Variants in KCND3 observed in about 807,000 individuals in gnomAD.
The protein encoded by KCND3 is potassium voltage-gated channel subfamily D member 3, also known as A-type voltage-gated potassium channel KCND3.
In KCND3, 9 loss-of-function variants were observed where a neutral mutation model predicts 51.1. The observed-to-expected ratio is 0.18, with a 90% CI of 0.11 to 0.31. The LOEUF is 0.31. KCND3 is among the 10% of genes least tolerant of loss of function. KCND3 has a pLI of 1.00. For missense variants in KCND3, 526 were observed against 903.8 expected (o/e 0.58, Z 5.36); for synonymous variants, 349 against 368.0 (o/e 0.95, Z 0.59).
At chr1:111,841,211 G>T (rs1333409100) in intron 2 of KCND3, among the ~76,000 whole-genome samples, 1 of 152,158 alleles carries the variant, frequency 6.6e-6, no homozygotes, top group South Asian at 2.1e-4. Context: ...GCAGTGTGTG[G>T]CATACCCTTC....
chr1:111,775,818 G>GGCCCCCC lies in KCND3; in HGVS notation c.*258_*259insGGGGGGC. 6.0e-5 allele frequency: 6 copies of GGCCCCCC among 99,730 alleles called. No individual in the cohort carries two copies. Among genetic ancestry groups the GGCCCCCC allele is most frequent in the Non-Finnish European group, 7.8e-5 (4 of 51,434 alleles). 6.2% of individuals were successfully genotyped at this position (99,730 alleles called of 1,614,324 possible). ...AGCCTATATCCCCCGGCCTATCCCC[G>GGCCCCCC]ACCCCCCCACCCTCCCTCCCTTCCT... On this transcript the variant is annotated 3_prime_UTR_variant, in exon 8 of 8. Transcript: ENST00000302127.
chr1:111,793,264 C>T (rs950459358), intron 2 of KCND3, among the ~76,000 whole-genome samples: 1 of 151,656 alleles, frequency 6.6e-6, no homozygotes, highest in East Asian at 1.9e-4. Flanking sequence ...CAACCTCTGC[C>T]TCCTGGGTTC....
chr1:111,943,390 C>A (rs1375804658), intron 2 of KCND3, among the ~76,000 whole-genome samples: 2 of 152,194 alleles, frequency 1.3e-5, no homozygotes, highest in African/African-American at 2.4e-5. Flanking sequence ...CTCTCCCCTG[C>A]CCACTGGACT....
chr1:111,885,242 T>A (rs983503947), intron 2 of KCND3, among the ~76,000 whole-genome samples: 2 of 152,234 alleles, frequency 1.3e-5, no homozygotes, highest in Non-Finnish European at 2.9e-5. Context: ...TGTACCCGCA[T>A]GCTGATTTAT....
chr1:111,821,780 CA>C (rs1666360137), intron 2 of KCND3, among the ~76,000 whole-genome samples: 1 of 152,186 alleles, frequency 6.6e-6, no homozygotes, highest in Admixed American at 6.5e-5. Flanking sequence ...CTGCAGGGGC[CA>C]GGGGGACAGT....
intron 2 of KCND3, among the ~76,000 whole-genome samples, chr1:111,816,025 G>A (rs754154101): frequency 2.0e-5 from 3 of 152,202 alleles, no homozygotes; most frequent in East Asian, 3.9e-4. Context: ...TGCTGTGCCC[G>A]GCAGCAAGAG....
chr1:111,923,269 C>G (rs749485793), intron 2 of KCND3, among the ~76,000 whole-genome samples: 3 of 152,202 alleles, frequency 2.0e-5, no homozygotes, highest in Non-Finnish European at 2.9e-5. Context: ...TCCTAGGTAC[C>G]TGATGGCCTA....
chr1:111,928,994 G>A (rs1001790907), intron 2 of KCND3, among the ~76,000 whole-genome samples: 4 of 152,202 alleles, frequency 2.6e-5, no homozygotes, highest in African/African-American at 9.7e-5. Context: ...GAATCCAAAC[G>A]GCTCTGGCAG....
In KCND3 at chr1:111,773,553, T is replaced by G. The variant is rs1664002222; in HGVS notation, c.*2524A>C. 1 of 151,686 alleles carries G rather than the reference T, an allele frequency of 6.6e-6. No individual in the cohort carries two copies. 9.4% of individuals were successfully genotyped at this position (151,686 alleles called of 1,614,324 possible). Reference sequence around the variant, plus strand: ...CCTCCCCCTCAGCCTTCCAAGTAGCTGGGATTACAGGGGTCCACCACCATG... The same window carrying G: ...CCTCCCCCTCAGCCTTCCAAGTAGCGGGGATTACAGGGGTCCACCACCATG... On this transcript the variant is annotated 3_prime_UTR_variant, in exon 8 of 8. Coordinates refer to ENST00000302127, the MANE Select transcript of KCND3 (RefSeq NM_001378969.1).
At chr1:111,804,269 G>C (rs1051193707) in intron 2 of KCND3, among the ~76,000 whole-genome samples, 6 of 152,224 alleles carry the variant, frequency 3.9e-5, no homozygotes, top group Admixed American at 2.0e-4. Flanking sequence ...TGCTCTCCTT[G>C]TTGGTCAATA....
At position 111,777,119 on chromosome 1, in the gene KCND3, G is replaced by A; in HGVS notation, c.1673C>T (p.Pro558Leu). Residue 558 changes from proline to leucine, a missense_variant, in exon 7 of 8, where the codon CCC becomes CTC. Pro to Leu is a moderately conservative substitution (Grantham distance 98, BLOSUM62 -3). Transcript: ENST00000302127. ...SRRSKKTTHL[P>L]NSNLPATRLR... ...GCGAGTAGCTGGCAGGTTAGAATTG[G>A]GCAGGTGTGTGGTCTTCTTACTACG... 1 of 1,614,148 alleles carries A rather than the reference G, an allele frequency of 6.2e-7. No homozygotes were observed.
chr1:111,796,962 A>G (rs774831924), intron 2 of KCND3, among the ~76,000 whole-genome samples: 7 of 152,066 alleles, frequency 4.6e-5, no homozygotes, highest in Non-Finnish European at 8.8e-5. Flanking sequence ...TCACTTTACT[A>G]CTGTTGGCCT....
chr1:111,886,732 C>A (rs1446408319), intron 2 of KCND3, among the ~76,000 whole-genome samples: 1 of 152,250 alleles, frequency 6.6e-6, no homozygotes, highest in African/African-American at 2.4e-5. Flanking sequence ...AAGGCACTTA[C>A]TTCATTGTCA....
At chr1:111,959,759 T>A (rs1412731713) in intron 2 of KCND3, among the ~76,000 whole-genome samples, 4 of 152,154 alleles carry the variant, frequency 2.6e-5, no homozygotes, top group Non-Finnish European at 2.9e-5. Context: ...AGCCTCTTCC[T>A]CAGAGGCTGG....
intron 2 of KCND3, among the ~76,000 whole-genome samples, chr1:111,957,447 G>A (rs1435245994): frequency 6.6e-6 from 1 of 152,148 alleles, no homozygotes; most frequent in Admixed American, 6.5e-5. Context: ...GATGCTTCTG[G>A]GAATGCAGCT....
chr1:111,795,478 C>T (rs1049763838), intron 2 of KCND3, among the ~76,000 whole-genome samples: 1 of 152,148 alleles, frequency 6.6e-6, no homozygotes, highest in Non-Finnish European at 1.5e-5. Flanking sequence ...GTACTATTAG[C>T]CCCATTTTTG....
chr1:111,967,527 C>T (rs953694918), intron 2 of KCND3, among the ~76,000 whole-genome samples: 1 of 152,214 alleles, frequency 6.6e-6, no homozygotes, highest in Non-Finnish European at 1.5e-5. Context: ...GTACCCTGTT[C>T]ACGCACCCTG....
At chr1:111,810,957 G>T (rs1258965422) in intron 2 of KCND3, among the ~76,000 whole-genome samples, 1 of 152,154 alleles carries the variant, frequency 6.6e-6, no homozygotes, top group Non-Finnish European at 1.5e-5. Flanking sequence ...CTCAGGATGT[G>T]ACTCCCTCTA....
intron 2 of KCND3, among the ~76,000 whole-genome samples, chr1:111,838,985 T>C (rs887311567): frequency 6.6e-6 from 1 of 152,256 alleles, no homozygotes; most frequent in Non-Finnish European, 1.5e-5. Flanking sequence ...GGAAATCATT[T>C]AAATTTTGCA....
Sources: gnomAD v4.1 joint callset for allele counts (sites outside exome capture counted in the v4.1 genomes callset) on GRCh38, gnomAD v4.1.1 for gene constraint, MANE v1.5 for transcripts, NCBI Gene and HGNC (gene_info 2026-07-23, HGNC 2026-07-21) for gene names.